The following CELF2 variants were observed in gnomAD, a reference collection of about 807,000 sequenced individuals.
The protein encoded by CELF2 is CUGBP Elav-like family member 2, also known as CUG triplet repeat RNA-binding protein 2.
CELF2 carries 8 observed loss-of-function variants against 62.6 expected under a neutral mutation model. The observed-to-expected ratio is 0.13, with a 90% confidence interval of 0.07 to 0.23. The LOEUF is 0.23. CELF2 is among the 10% of genes least tolerant of loss of function. The pLI is 1.00. For missense variants in CELF2, 333 were observed against 671.0 expected, an observed-to-expected ratio of 0.50 and a Z score of 5.56; for synonymous variants, 258 against 250.0, an observed-to-expected ratio of 1.03 and a Z score of -0.30.
At position 11,005,362 on chromosome 10, in the gene CELF2, T is replaced by G. The variant is rs762054329; in HGVS notation, c.-26T>G. The G allele has an allele frequency of 5.6e-6, 9 of 1,613,350 alleles. No individual in the cohort carries two copies. In the South Asian group the frequency reaches 9.9e-5, roughly 18 times the overall value. On this transcript the variant is annotated 5_prime_UTR_variant, in exon 1 of 13. Transcript: ENST00000416382. This position sits in a 1 kb window ranked among gnomAD's most constrained non-coding sequence, Gnocchi z 4.3. ...GTTTGAGCATACTTCTGAACTGGCT[T>G]TTGTTGAGACTATCAGTATAGAAGC...
At chr10:11,226,314 A>G (rs1178159744) in intron 3 of CELF2, among the ~76,000 whole-genome samples, 1 of 152,254 alleles carries the variant, frequency 6.6e-6, no homozygotes, top group East Asian at 1.9e-4. Context: ...GGGTAGAACC[A>G]GTATGTCTGG....
At position 11,228,036 on chromosome 10, in the gene CELF2, G is replaced by T. The variant is rs562830133; in HGVS notation, c.354+10529G>T. ...AGCATATGGGGCTCAGTGTAGTCAA[G>T]AAGTCACAGGGATTAGGAAAGAGAA... On this transcript the variant is annotated intron_variant, in intron 3 of 12. Coordinates refer to ENST00000633077, the MANE Select transcript of CELF2 (RefSeq NM_001326342.2). Among the ~76,000 whole-genome samples, 6 of 152,282 alleles carry T rather than the reference G, an allele frequency of 3.9e-5. No homozygotes were observed. The East Asian group carries it at 1.2e-3, about 29-fold the overall frequency.
the CELF2 span, among the ~76,000 whole-genome samples, chr10:10,668,059 G>C: frequency 6.6e-6 from 1 of 152,190 alleles, no homozygotes; most frequent in African/African-American, 2.4e-5. Flanking sequence ...CACCAGCCTA[G>C]AGGGAGAGAC....
At chr10:10,728,259 C>G in the CELF2 span, among the ~76,000 whole-genome samples, 1 of 147,320 alleles carries the variant, frequency 6.8e-6, no homozygotes, top group Non-Finnish European at 1.5e-5. Flanking sequence ...ACCAACGTGG[C>G]AAAACCCCAT....
At chr10:10,607,244 T>A in the CELF2 span, among the ~76,000 whole-genome samples, 1 of 152,160 alleles carries the variant, frequency 6.6e-6, no homozygotes, top group Non-Finnish European at 1.5e-5. Context: ...CACCTCATCA[T>A]GTGGTTTTTG....
the CELF2 span, among the ~76,000 whole-genome samples, chr10:10,463,071 T>C: frequency 6.6e-6 from 1 of 152,180 alleles, no homozygotes; most frequent in Non-Finnish European, 1.5e-5. Flanking sequence ...TAGACTTCCT[T>C]AGTTCAGATA....
chr10:11,019,963 A>G (rs943213490), intron 1 of CELF2, among the ~76,000 whole-genome samples: 2 of 152,260 alleles, frequency 1.3e-5, no homozygotes, highest in African/African-American at 4.8e-5. Context: ...TTAAGTGACC[A>G]TAATATAGCT....
intron 1 of CELF2, among the ~76,000 whole-genome samples, chr10:10,852,883 A>G (rs1375727309): frequency 6.6e-6 from 1 of 152,222 alleles, no homozygotes; most frequent in East Asian, 1.9e-4. Context: ...AGGAAAATCA[A>G]AATTTATTTT....
At chr10:11,138,398 G>T (rs959315174) in intron 1 of CELF2, among the ~76,000 whole-genome samples, 32 of 152,312 alleles carry the variant, frequency 2.1e-4, no homozygotes, top group African/African-American at 6.5e-4. Context: ...CCAGCCTTCG[G>T]TTGCAGCACA....
the CELF2 span, among the ~76,000 whole-genome samples, chr10:10,662,696 CAA>C: frequency 6.8e-6 from 1 of 147,336 alleles, no homozygotes; most frequent in South Asian, 2.1e-4. Context: ...GCTAAATTGA[CAA>C]AAAAAAAAGT....
the CELF2 span, among the ~76,000 whole-genome samples, chr10:10,520,128 AT>A: frequency 6.6e-6 from 1 of 152,232 alleles, no homozygotes; most frequent in African/African-American, 2.4e-5. Flanking sequence ...CCTGCTTTGC[AT>A]TTTTTAAGTG....
rs138894192 is a variant in CELF2, at chr10:11,150,574, G to T, written c.75-14912G>T. Among the ~76,000 whole-genome samples, 604 of 152,298 alleles carry T rather than the reference G, an allele frequency of 4.0e-3. 3 individuals carry two copies. The highest frequency in any genetic ancestry group is 0.012 in the African/African-American group (508 of 41,556). ...GGAGATTATGGTTGAACCAACAGTG[G>T]CTGCACTGAGCTCCAGCTTCCAGAT... On this transcript the variant is annotated intron_variant, in intron 1 of 12. Coordinates refer to ENST00000633077, the MANE Select transcript of CELF2 (RefSeq NM_001326342.2).
At chr10:10,992,225 T>G (rs1407885895) in intron 2 of CELF2, among the ~76,000 whole-genome samples, 1 of 152,166 alleles carries the variant, frequency 6.6e-6, no homozygotes, top group Non-Finnish European at 1.5e-5. Flanking sequence ...CAGATCTAGG[T>G]TAGGTGGCTC....
At position 11,110,472 on chromosome 10, in the gene CELF2, T is replaced by TTC. The variant is rs2054850208; in HGVS notation, c.75-55012_75-55011dup. On this transcript the variant is annotated intron_variant, in intron 1 of 12. Coordinates refer to ENST00000633077, the MANE Select transcript of CELF2 (RefSeq NM_001326342.2). This position sits in a 1 kb window ranked among gnomAD's most constrained non-coding sequence, Gnocchi z 4.0. ...CCTACTACCTAAGTCGGGACAAAGC[T>TTC]TCTGCTTATTTTTCTGCTTCGTCTA... Among the ~76,000 whole-genome samples the TTC allele has an allele frequency of 6.6e-6, 1 of 152,212 alleles. No homozygotes were observed. The highest frequency in any genetic ancestry group is 2.1e-4 in the South Asian group (1 of 4,826).
intron 1 of CELF2, among the ~76,000 whole-genome samples, chr10:11,052,777 T>A (rs946536161): frequency 6.6e-6 from 1 of 152,176 alleles, no homozygotes; most frequent in African/African-American, 2.4e-5. Context: ...CCCATTATTA[T>A]GGTGGAATGT....
intron 12 of CELF2, among the ~76,000 whole-genome samples, chr10:11,326,925 G>C (rs1424342267): frequency 2.0e-5 from 3 of 152,146 alleles, no homozygotes; most frequent in African/African-American, 4.8e-5. Context: ...AGGGAGGGTG[G>C]TTCTCAAACT....
intron 1 of CELF2, among the ~76,000 whole-genome samples, chr10:10,827,674 G>A (rs1038076440): frequency 2.0e-5 from 3 of 152,114 alleles, no homozygotes; most frequent in African/African-American, 7.2e-5. Flanking sequence ...ATCCAGGATA[G>A]TTACTCCTTA....
the CELF2 span, among the ~76,000 whole-genome samples, chr10:10,759,894 G>C: frequency 1.3e-5 from 2 of 152,078 alleles, no homozygotes; most frequent in African/African-American, 4.8e-5. Flanking sequence ...AAAATAGCCA[G>C]GTTCTTAAAA....
chr10:10,593,304 T>C, the CELF2 span, among the ~76,000 whole-genome samples: 1 of 152,216 alleles, frequency 6.6e-6, no homozygotes, highest in Non-Finnish European at 1.5e-5. Context: ...TGGCCAGAGA[T>C]GGAAGATCTA....
Sources: allele counts gnomAD v4.1 joint callset (sites outside exome capture counted in the v4.1 genomes callset), GRCh38; gene constraint gnomAD v4.1.1; non-coding constraint Gnocchi (gnomAD v3.1); transcripts MANE v1.5; gene names NCBI Gene and HGNC (gene_info 2026-07-23, HGNC 2026-07-21).